GPR3: variants seen among roughly 807,000 people sequenced by gnomAD.
GPR3 encodes G protein-coupled receptor 3, also known as ACCA orphan receptor.
Under a neutral mutation model 18.2 loss-of-function variants are expected in GPR3, and 16 were observed. That is an observed-to-expected ratio of 0.88 (90% CI 0.60 to 1.34). The LOEUF (loss-of-function observed/expected upper bound fraction) is 1.34. Ranked by LOEUF, GPR3 falls within the 40% of genes most tolerant of loss-of-function variation. GPR3 has a pLI of 0.00. For synonymous variants in GPR3, 183 were observed against 188.9 expected (o/e 0.97, Z 0.26); for missense variants, 326 against 427.6 (o/e 0.76, Z 2.10).
In GPR3 at chr1:27,394,035, G is replaced by A. The variant is rs1256900746; in HGVS notation, c.237G>A (p.Val79=). 3 of 1,611,242 alleles carry A rather than the reference G, an allele frequency of 1.9e-6. No individual in the cohort carries two copies. ...PAFRAPMFLL[V]GSLAVADLLA... is the part of the protein sequence containing the mutation. ...TCCGTGCCCCCATGTTCCTGCTGGT[G>A]GGCAGCCTGGCCGTGGCAGACCTGC... Residue 79 remains valine (V), a synonymous_variant, in exon 2 of 2, where the codon GTG becomes GTA. Coordinates refer to ENST00000374024, the MANE Select transcript of GPR3 (RefSeq NM_005281.4).
In GPR3 at chr1:27,395,026, C is replaced by G. The variant is rs1185996004; in HGVS notation, c.*235C>G. On this transcript the variant is annotated 3_prime_UTR_variant, in exon 2 of 2. Coordinates refer to ENST00000374024, the MANE Select transcript of GPR3 (RefSeq NM_005281.4). ...TACTCAGAAATGTCTCACAGCCCAG[C>G]TGGGTTGCAATTCCAGAATGCTGGG... 14 of 512,096 alleles carry G rather than the reference C, an allele frequency of 2.7e-5. No individual in the cohort carries two copies. The East Asian group carries it at 3.8e-4, about 14-fold the overall frequency. 31.7% of individuals were successfully genotyped at this position (512,096 alleles called of 1,614,324 possible). A position where few individuals can be genotyped will look rare whatever the true frequency, so the allele number is the denominator to read the frequency against.
In GPR3 at chr1:27,393,985, G is replaced by C. The variant is rs2016515355; in HGVS notation, c.187G>C (p.Ala63Pro). 1 of 1,611,526 alleles carries C rather than the reference G, an allele frequency of 6.2e-7. No homozygotes were observed. The highest frequency in any genetic ancestry group is 8.5e-7 in the Non-Finnish European group (1 of 1,179,458). Residue 63 changes from alanine (A) to proline (P), a missense_variant, in exon 2 of 2, where the codon GCC becomes CCC. Coordinates refer to ENST00000374024, the MANE Select transcript of GPR3 (RefSeq NM_005281.4). Reference protein sequence around the residue: ...LVSCENALVVAIIVGTPAFRA... With the variant: ...LVSCENALVVPIIVGTPAFRA... ...GTCCTGCGAGAATGCGCTAGTGGTGGCCATCATCGTGGGCACTCCTGCCTT... is the reference window on the plus strand; with the variant it reads ...GTCCTGCGAGAATGCGCTAGTGGTGCCCATCATCGTGGGCACTCCTGCCTT...
Position 27,394,437 on chromosome 1 carries a change from C to A in GPR3, c.639C>A (p.Tyr213Ter). 6.2e-7 allele frequency: 1 copy of A among 1,614,152 alleles called. No individual in the cohort carries two copies. The highest frequency in any genetic ancestry group is 8.5e-7 in the Non-Finnish European group (1 of 1,180,040). ...FMVFGIMLQL[Y>*]AQICRIVCRH... The stretch of plus-strand genomic sequence containing the variant: ...TGTTTGGCATCATGCTGCAGCTCTA[C>A]GCCCAAATCTGCCGCATCGTCTGCC... The change falls in exon 2 of 2, where the codon TAC becomes TAA. Residue 213 changes from tyrosine to a stop codon, truncating the protein, a stop_gained. Transcript: ENST00000374024. LOFTEE classifies it high-confidence loss of function.
In GPR3 at chr1:27,393,933, G is replaced by A. The variant is rs765501381; in HGVS notation, c.135G>A (p.Val45=). The change falls in exon 2 of 2, where the codon GTG becomes GTA. Residue 45 remains valine (V), a synonymous_variant. Coordinates refer to ENST00000374024, the MANE Select transcript of GPR3 (RefSeq NM_005281.4). ...APLPSPKAWD[V]VLCISGTLVS... ...TGCCCTCGCCTAAGGCCTGGGATGT[G>A]GTGCTCTGCATCTCAGGCACCCTGG... 26 of 1,611,272 alleles carry A rather than the reference G, an allele frequency of 1.6e-5. No homozygotes were observed. The highest frequency in any genetic ancestry group is 4.2e-6 in the Non-Finnish European group (5 of 1,179,362).
Position 27,395,619 on chromosome 1 carries a change from T to C in GPR3, c.*828T>C, listed in dbSNP as rs2016536882. The C allele has an allele frequency of 6.0e-6, 1 of 167,044 alleles. No homozygotes were observed. The highest frequency in any genetic ancestry group is 1.5e-5 in the Non-Finnish European group (1 of 68,124). 10.3% of individuals were successfully genotyped at this position (167,044 alleles called of 1,614,324 possible). ...CCCGGCCAGGCAGCTGGGACCAGAA[T>C]GCAACCCCAGCTCCACTCCAGCCTG... is the stretch of plus-strand genomic sequence containing the variant. On this transcript the variant is annotated 3_prime_UTR_variant, in exon 2 of 2. Coordinates refer to ENST00000374024, the MANE Select transcript of GPR3 (RefSeq NM_005281.4).
chr1:27,393,667 T>C (rs913018289), intron 1 of GPR3, 127 bp from the exon 2 acceptor site: 9 of 793,726 alleles, frequency 1.1e-5, no homozygotes, highest in African/African-American at 5.2e-5. Flanking sequence ...GGATAAGGCA[T>C]TGGGACCCTA....
At chr1:27,393,153 A>AG (rs780263686) in intron 1 of GPR3, among the ~76,000 whole-genome samples, 1 of 145,126 alleles carries the variant, frequency 6.9e-6, no homozygotes, top group Non-Finnish European at 1.5e-5. Context: ...GTCTTCCAGC[A>AG]GGGGGGTCTG....
chr1:27,394,356 G>C lies in GPR3; in HGVS notation c.558G>C (p.Val186=). ...TGGATGGCCTGACCACATGTGGCGT[G>C]GTTTATCCACTCTCCAAGAACCATC... ...NCLDGLTTCG[V]VYPLSKNHLV... is the part of the protein sequence containing the mutation. The change falls in exon 2 of 2, where the codon GTG becomes GTC. Residue 186 remains valine (V), a synonymous_variant. Transcript: ENST00000374024. 3 of 1,614,018 alleles carry C rather than the reference G, an allele frequency of 1.9e-6. No individual in the cohort carries two copies. The highest frequency in any genetic ancestry group is 2.5e-6 in the Non-Finnish European group (3 of 1,180,026).
At position 27,394,261 on chromosome 1, in the gene GPR3, G is replaced by A. The variant is rs1208232569; in HGVS notation, c.463G>A (p.Val155Met). Residue 155 changes from valine (V) to methionine (M), a missense_variant, in exon 2 of 2, where the codon GTG becomes ATG. Physicochemically the swap from Val to Met is conservative, Grantham distance 21 (BLOSUM62 1). Coordinates refer to ENST00000374024, the MANE Select transcript of GPR3 (RefSeq NM_005281.4). ...AGAGACAACAGTGACACGGACCTAT[G>A]TGATGCTGGCCTTAGTGTGGGGAGG... ...YSETTVTRTY[V>M]MLALVWGGAL... 1.9e-6 allele frequency: 3 copies of A among 1,613,184 alleles called. No individual in the cohort carries two copies. The highest frequency in any genetic ancestry group is 2.5e-6 in the Non-Finnish European group (3 of 1,180,040).
Position 27,394,458 on chromosome 1 carries a change from C to G in GPR3, c.660C>G (p.Val220=), listed in dbSNP as rs991566962. Residue 220 remains valine (V), a synonymous_variant, in exon 2 of 2, where the codon GTC becomes GTG. Coordinates refer to ENST00000374024, the MANE Select transcript of GPR3 (RefSeq NM_005281.4). ...TCTACGCCCAAATCTGCCGCATCGT[C>G]TGCCGCCATGCCCAGCAGATTGCCC... ...LQLYAQICRI[V]CRHAQQIALQ... 6.2e-7 allele frequency: 1 copy of G among 1,614,072 alleles called. No individual in the cohort carries two copies. The highest frequency in any genetic ancestry group is 8.5e-7 in the Non-Finnish European group (1 of 1,180,052).
chr1:27,394,442 A>C lies in GPR3; in HGVS notation c.644A>C (p.Gln215Pro), dbSNP rs1289227146. The change falls in exon 2 of 2, where the codon CAA becomes CCA. Residue 215 changes from glutamine to proline, a missense_variant. Coordinates refer to ENST00000374024, the MANE Select transcript of GPR3 (RefSeq NM_005281.4). ...GGCATCATGCTGCAGCTCTACGCCC[A>C]AATCTGCCGCATCGTCTGCCGCCAT... ...VFGIMLQLYA[Q>P]ICRIVCRHAQ... 1 of 1,613,984 alleles carries C rather than the reference A, an allele frequency of 6.2e-7. No homozygotes were observed. The highest frequency in any genetic ancestry group is 8.5e-7 in the Non-Finnish European group (1 of 1,180,024).
rs1250598252 is a variant in GPR3, at chr1:27,395,470, T to G, written c.*679T>G. On this transcript the variant is annotated 3_prime_UTR_variant, in exon 2 of 2. Transcript: ENST00000374024. ...CTCCCCAGGCCTGCCCTCCTCGGGT[T>G]TGGAAGGGGAACACACCAGCCTCTG... 6.0e-6 allele frequency: 1 copy of G among 167,118 alleles called. No homozygotes were observed. The highest frequency in any genetic ancestry group is 1.5e-5 in the Non-Finnish European group (1 of 68,130). 10.4% of individuals were successfully genotyped at this position (167,118 alleles called of 1,614,324 possible).
In GPR3 at chr1:27,395,427, C is replaced by G. The variant is rs2016534981; in HGVS notation, c.*636C>G. The G allele has an allele frequency of 6.0e-6, 1 of 167,136 alleles. No individual in the cohort carries two copies. Among genetic ancestry groups the G allele is most frequent in the Non-Finnish European group, 1.5e-5 (1 of 68,176 alleles). 10.4% of individuals were successfully genotyped at this position (167,136 alleles called of 1,614,324 possible). On this transcript the variant is annotated 3_prime_UTR_variant, in exon 2 of 2. Coordinates refer to ENST00000374024, the MANE Select transcript of GPR3 (RefSeq NM_005281.4). Reference sequence around the variant, plus strand: ...TTGGATTATTTTTTATCGAAGAGATCATAGAAACCAGAGCCTTCTCCCCAG... The same window carrying G: ...TTGGATTATTTTTTATCGAAGAGATGATAGAAACCAGAGCCTTCTCCCCAG...
chr1:27,393,936 G>A lies in GPR3; in HGVS notation c.138G>A (p.Val46=), dbSNP rs767943056. Residue 46 remains valine, a synonymous_variant, in exon 2 of 2, where the codon GTG becomes GTA. Transcript: ENST00000374024. ...CCTCGCCTAAGGCCTGGGATGTGGT[G>A]CTCTGCATCTCAGGCACCCTGGTGT... ...PLPSPKAWDV[V]LCISGTLVSC... 2.9e-5 allele frequency: 47 copies of A among 1,611,264 alleles called. No individual in the cohort carries two copies. Among genetic ancestry groups the A allele is most frequent in the Non-Finnish European group, 3.4e-6 (4 of 1,179,368 alleles).
At position 27,394,960 on chromosome 1, in the gene GPR3, G is replaced by C; in HGVS notation, c.*169G>C. On this transcript the variant is annotated 3_prime_UTR_variant, in exon 2 of 2. Transcript: ENST00000374024. Reference sequence around the variant, plus strand: ...CTGTTCAGATCCCTATGGGGGCCCAGCTGGCTCCACGGTTCCAGAATGTTC... The same window carrying C: ...CTGTTCAGATCCCTATGGGGGCCCACCTGGCTCCACGGTTCCAGAATGTTC... The C allele has an allele frequency of 1.5e-6, 1 of 675,660 alleles. No individual in the cohort carries two copies. Among genetic ancestry groups the C allele is most frequent in the South Asian group, 2.0e-5 (1 of 50,664 alleles). 41.9% of individuals were successfully genotyped at this position (675,660 alleles called of 1,614,324 possible).
rs977398074 is a variant in GPR3 at position 27,395,649 on chromosome 1, C to G, written c.*858C>G. On this transcript the variant is annotated 3_prime_UTR_variant, in exon 2 of 2. Transcript: ENST00000374024. ...CCCCAGCTCCACTCCAGCCTGGCGT[C>G]CAGGGCCACAGCCATGGCCTGGGGG... 4 of 167,136 alleles carry G rather than the reference C, an allele frequency of 2.4e-5. No individual in the cohort carries two copies. The highest frequency in any genetic ancestry group is 5.9e-5 in the Non-Finnish European group (4 of 68,146). The allele number at this position is 167,136 out of a possible 1,614,324, so 10.4% of individuals were successfully genotyped here.
chr1:27,393,620 G>T (rs535908475), intron 1 of GPR3, among the ~76,000 whole-genome samples, 174 bp from the exon 2 acceptor site: 1 of 152,280 alleles, frequency 6.6e-6, no homozygotes, highest in East Asian at 1.9e-4. Flanking sequence ...GGAGGGGACA[G>T]CGGTATCCTG....
chr1:27,394,667 C>G lies in GPR3; in HGVS notation c.869C>G (p.Ser290Cys), dbSNP rs749269761. 2 of 1,614,202 alleles carry G rather than the reference C, an allele frequency of 1.2e-6. No individual in the cohort carries two copies. The highest frequency in any genetic ancestry group is 2.2e-5 in the South Asian group (2 of 91,076). Residue 290 changes from serine to cysteine, a missense_variant, in exon 2 of 2, where the codon TCC (serine) becomes TGC (cysteine). By Grantham distance (112) the Ser-to-Cys change is moderately radical (BLOSUM62 -1). Coordinates refer to ENST00000374024, the MANE Select transcript of GPR3 (RefSeq NM_005281.4). ...YLTLLPATYN[S>C]MINPIIYAFR... is the part of the protein sequence containing the mutation. The stretch of plus-strand genomic sequence containing the variant: ...ACCTTGCTCCCTGCCACCTACAACT[C>G]CATGATCAACCCTATCATCTACGCC...
rs535432515 is a variant in GPR3 at position 27,395,237 on chromosome 1, T to G, written c.*446T>G. The G allele has an allele frequency of 2.2e-4, 38 of 173,982 alleles. No individual in the cohort carries two copies. The highest frequency in any genetic ancestry group is 5.7e-4 in the South Asian group (3 of 5,268). The allele number at this position is 173,982 out of a possible 1,614,324, so 10.8% of individuals were successfully genotyped here. On this transcript the variant is annotated 3_prime_UTR_variant, in exon 2 of 2. Coordinates refer to ENST00000374024, the MANE Select transcript of GPR3 (RefSeq NM_005281.4). ...AGACAGTGTCTATTTATGATTGATT[T>G]ATTTATTTATAAATTTACTTATGGG...
Sources: allele counts gnomAD v4.1 joint callset (sites outside exome capture counted in the v4.1 genomes callset), GRCh38; gene constraint gnomAD v4.1.1; transcripts MANE v1.5; gene names NCBI Gene and HGNC (gene_info 2026-07-23, HGNC 2026-07-21).